Variants in C2CD5 observed in about 807,000 individuals in gnomAD.
The protein encoded by C2CD5 is C2 calcium dependent domain containing 5, also known as C2 domain-containing protein 5.
In C2CD5, 109 loss-of-function variants were observed where a neutral mutation model predicts 130.3. The ratio of observed to expected loss-of-function variants is 0.84; its 90% confidence interval spans 0.72 to 0.98. C2CD5 has a LOEUF of 0.98. Among genes scored for constraint, C2CD5 ranks in the 50% least tolerant of loss-of-function variants. C2CD5 has a pLI of 0.00. For missense variants in C2CD5, 996 were observed against 1,261.8 expected, an observed-to-expected ratio of 0.79 and a Z score of 3.19; for synonymous variants, 454 against 429.2, an observed-to-expected ratio of 1.06 and a Z score of -0.71.
chr12:22,514,955 CT>C, intron 8 of C2CD5: 1 of 984,444 alleles, frequency 1.0e-6, no homozygotes, highest in Non-Finnish European at 1.2e-6. Flanking sequence ...TAATGTGATC[CT>C]ACCAGAAGCA....
At chr12:22,530,006 A>G (rs1486550893) in intron 3 of C2CD5, among the ~76,000 whole-genome samples, 3 of 149,336 alleles carry the variant, frequency 2.0e-5, no homozygotes, top group Admixed American at 6.7e-5. Context: ...CTACCCTTAC[A>G]CTGCCTGGCA....
rs193005469 is a variant in C2CD5, at chr12:22,532,255, G to A, written c.177+3003C>T. Among the ~76,000 whole-genome samples, 14 of 151,870 alleles carry A rather than the reference G, an allele frequency of 9.2e-5. No homozygotes were observed. The East Asian group carries it at 1.9e-3, about 21-fold the overall frequency. On this transcript the variant is annotated intron_variant, in intron 3 of 26. Coordinates refer to ENST00000446597, the MANE Select transcript of C2CD5 (RefSeq NM_001286176.2). ...TGAGGCAGGAGAATCGCTTGAACCT[G>A]AGAGGCAGAGGTTGCAGTGAGCCAA...
intron 3 of C2CD5, among the ~76,000 whole-genome samples, chr12:22,530,256 CTG>C (rs1951146250): frequency 6.9e-6 from 1 of 144,888 alleles, no homozygotes; most frequent in South Asian, 2.1e-4. Context: ...ATACATACAA[CTG>C]TGTATATATA....
intron 14 of C2CD5, 128 bp downstream of exon 14, chr12:22,482,429 T>G (rs1165005685): frequency 7.2e-6 from 5 of 694,680 alleles, no homozygotes; most frequent in Non-Finnish European, 1.2e-5. Flanking sequence ...TAAAATGTCC[T>G]CGTCCCATAA....
chr12:22,478,011 TCACACACACA>T (rs543658384), intron 15 of C2CD5: 27 of 284,094 alleles, frequency 9.5e-5, no homozygotes, highest in Non-Finnish European at 1.4e-4. Flanking sequence ...ACACACACAC[TCACACACACA>T]CACACACTCA....
chr12:22,479,570 A>G (rs1405334030), intron 14 of C2CD5, among the ~76,000 whole-genome samples: 16 of 152,200 alleles, frequency 1.1e-4, no homozygotes, highest in Admixed American at 7.9e-4. Context: ...CAAGTCAATA[A>G]ATGTGGACAA....
chr12:22,457,320 A>C (rs768448911), intron 24 of C2CD5, among the ~76,000 whole-genome samples, 159 bp from the exon 25 acceptor site: 4 of 152,244 alleles, frequency 2.6e-5, no homozygotes, highest in Non-Finnish European at 4.4e-5. Context: ...GCAATTAAAA[A>C]AGAGAGACAG....
At chr12:22,461,242 T>A (rs1941087831) in intron 22 of C2CD5, among the ~76,000 whole-genome samples, 1 of 152,240 alleles carries the variant, frequency 6.6e-6, no homozygotes, top group South Asian at 2.1e-4. Flanking sequence ...CCTGAGGCTC[T>A]CATATGTCTT....
At chr12:22,490,708 T>C (rs182335863) in intron 11 of C2CD5, among the ~76,000 whole-genome samples, 3 of 152,212 alleles carry the variant, frequency 2.0e-5, no homozygotes, top group Admixed American at 6.5e-5. Flanking sequence ...TGAAACAATA[T>C]ACAAAATATA....
At chr12:22,454,793 G>A (rs1024626979) in intron 25 of C2CD5, among the ~76,000 whole-genome samples, 1 of 152,072 alleles carries the variant, frequency 6.6e-6, no homozygotes, top group African/African-American at 2.4e-5. Context: ...CTACTAGACT[G>A]TAAATTCCAT....
chr12:22,524,483 G>A lies in C2CD5; in HGVS notation c.590C>T (p.Ser197Leu), dbSNP rs775798785. ...ASNEARQRLI[S>L]LMSGELQRKI... The stretch of plus-strand genomic sequence containing the variant: ...TTTTTTTTAAATACCTGACATTAAC[G>A]AAATGAGTCTCTGTCTGGCCTCATT... Residue 197 changes from serine to leucine, a missense_variant, in exon 6 of 27, where the codon TCG becomes TTG. Physicochemically the swap from Ser to Leu is moderately radical, Grantham distance 145 (BLOSUM62 -2). This residue lies in a region of C2CD5 where 26 missense variants were observed against 56.6 expected (regional missense o/e 0.46). Transcript: ENST00000446597. 3.7e-6 allele frequency: 6 copies of A among 1,612,844 alleles called. No homozygotes were observed. Among genetic ancestry groups the A allele is most frequent in the Admixed American group, 1.7e-5 (1 of 59,828 alleles).
chr12:22,452,560 T>C (rs947143123), intron 26 of C2CD5, among the ~76,000 whole-genome samples: 1 of 152,144 alleles, frequency 6.6e-6, no homozygotes, highest in Non-Finnish European at 1.5e-5. Flanking sequence ...GTTTCATAGC[T>C]TCCCTTCCCC....
intron 22 of C2CD5, among the ~76,000 whole-genome samples, chr12:22,467,877 T>C (rs1279156636): frequency 6.6e-6 from 1 of 152,188 alleles, no homozygotes; most frequent in African/African-American, 2.4e-5. Flanking sequence ...TGAAAACATT[T>C]TGAAAGCTAT....
intron 26 of C2CD5, among the ~76,000 whole-genome samples, chr12:22,450,110 C>T (rs1469582668): frequency 6.6e-6 from 1 of 151,860 alleles, no homozygotes; most frequent in Non-Finnish European, 1.5e-5. Flanking sequence ...ATATTCAAGC[C>T]CGCTATTAGA....
Position 22,469,741 on chromosome 12 carries a change from G to C in C2CD5, c.2501C>G (p.Ser834Ter). ...TGGTGGAAAAGGATGAGAAGGAAGT[G>C]AATCTGAACACAGTTCCAGTGGAAA... ...LQFPLELCSD[S>*]LPSHPFPPAK... Residue 834 changes from serine to a stop codon, truncating the protein, a stop_gained, in exon 22 of 27, where the codon TCA (serine) becomes TGA (stop). Coordinates refer to ENST00000446597, the MANE Select transcript of C2CD5 (RefSeq NM_001286176.2). LOFTEE classifies it high-confidence loss of function. The C allele has an allele frequency of 6.2e-7, 1 of 1,605,432 alleles. No homozygotes were observed. The highest frequency in any genetic ancestry group is 8.5e-7 in the Non-Finnish European group (1 of 1,175,846).
At chr12:22,474,973 T>A in intron 15 of C2CD5, 82 bp from the exon 16 acceptor site, 1 of 862,034 alleles carries the variant, frequency 1.2e-6, no homozygotes, top group Non-Finnish European at 1.7e-6. Context: ...AGTAGACACC[T>A]ACCTGTGGAG....
rs1215572998 is a variant in C2CD5, at chr12:22,524,602, T to G, written c.471A>C (p.Arg157Ser). The G allele has an allele frequency of 6.2e-7, 1 of 1,613,126 alleles. No individual in the cohort carries two copies. The highest frequency in any genetic ancestry group is 1.1e-5 in the South Asian group (1 of 90,902). The change falls in exon 6 of 27, where the codon AGA (arginine) becomes AGC (serine). Residue 157 changes from arginine (R) to serine (S), a missense_variant. Coordinates refer to ENST00000446597, the MANE Select transcript of C2CD5 (RefSeq NM_001286176.2). ...FCTTSIPKCYRAVIIHGFVEE... is the reference protein window; with the variant it reads ...FCTTSIPKCYSAVIIHGFVEE... The stretch of plus-strand genomic sequence containing the variant: ...CTACAAATCCATGAATTATCACAGC[T>G]CTATAGCATTTTGGAATAGACGTTG...
intron 20 of C2CD5, 144 bp downstream of exon 20, chr12:22,471,255 C>T (rs1942980738): frequency 1.7e-6 from 1 of 602,348 alleles, no homozygotes; most frequent in African/African-American, 1.9e-5. Flanking sequence ...CACACATGGC[C>T]TAATGCATAC....
intron 10 of C2CD5, among the ~76,000 whole-genome samples, chr12:22,500,165 C>A (rs148931811): frequency 1.2e-4 from 18 of 151,736 alleles, no homozygotes; most frequent in African/African-American, 4.1e-4. Context: ...GCCTGGGTGA[C>A]AGAGCAAGAT....
Sources: allele counts gnomAD v4.1 joint callset (sites outside exome capture counted in the v4.1 genomes callset), GRCh38; gene constraint gnomAD v4.1.1; regional missense constraint gnomAD v4.1.1; transcripts MANE v1.5; gene names NCBI Gene and HGNC (gene_info 2026-07-23, HGNC 2026-07-21).